Variants in DTNBP1 observed in about 807,000 individuals in gnomAD.
DTNBP1 encodes the protein dysbindin.
DTNBP1 carries 35 observed loss-of-function variants against 42.8 expected under a neutral mutation model. The ratio of observed to expected loss-of-function variants is 0.82; its 90% confidence interval spans 0.63 to 1.09. DTNBP1 has a LOEUF of 1.09. Among genes scored for constraint, DTNBP1 ranks in the 50% least tolerant of loss-of-function variants. DTNBP1 has a pLI of 0.00. For missense variants in DTNBP1, 457 were observed against 424.2 expected (o/e 1.08, Z -0.68); for synonymous variants, 171 against 162.2 (o/e 1.05, Z -0.41).
chr6:15,543,453 T>TG (rs1773695122), intron 7 of DTNBP1, among the ~76,000 whole-genome samples: 1 of 152,206 alleles, frequency 6.6e-6, no homozygotes, highest in African/African-American at 2.4e-5. Flanking sequence ...TGCATAGCCT[T>TG]GTGTAAGCAC....
At position 15,524,655 on chromosome 6, in the gene DTNBP1, T is replaced by C; in HGVS notation, c.682A>G (p.Met228Val). 6 of 1,613,398 alleles carry C rather than the reference T, an allele frequency of 3.7e-6. No individual in the cohort carries two copies. Among genetic ancestry groups the C allele is most frequent in the Non-Finnish European group, 4.2e-6 (5 of 1,180,028 alleles). The change falls in exon 9 of 10, where the codon ATG becomes GTG. Residue 228 changes from methionine (M) to valine (V), a missense_variant. Transcript: ENST00000344537. ...TCCACGTTCACTTCCATGGATGACA[T>C]GCTGCCTATGGGCTCTGCGGATAGA... Reference protein sequence around the residue: ...IAERREPIGSMSSMEVNVDML... With the variant: ...IAERREPIGSVSSMEVNVDML...
intron 7 of DTNBP1, among the ~76,000 whole-genome samples, chr6:15,558,486 T>C (rs1774652930): frequency 1.3e-5 from 2 of 152,060 alleles, no homozygotes; most frequent in South Asian, 2.1e-4. Flanking sequence ...AGACTGGTCT[T>C]GAACTCCTGA....
chr6:15,524,202 A>C (rs1366664903), intron 9 of DTNBP1: 1 of 1,498,852 alleles, frequency 6.7e-7, no homozygotes, highest in South Asian at 1.2e-5. Flanking sequence ...ACCTCCCTGC[A>C]AACGCCAGTC....
intron 3 of DTNBP1, among the ~76,000 whole-genome samples, chr6:15,649,559 T>C (rs1760867213): frequency 6.6e-6 from 1 of 152,160 alleles, no homozygotes; most frequent in Non-Finnish European, 1.5e-5. Flanking sequence ...TTTTGCAAGA[T>C]GAAAAGAGTT....
chr6:15,538,474 TGATC>T lies in DTNBP1; in HGVS notation c.512-5083_512-5080del, dbSNP rs78269570. Reference sequence around the variant, plus strand: ...GAAAACAACGCAGCTCTGCGACCCCTGATCTCAGCCTCATGGAATACTGGGCAGA... The same window carrying T: ...GAAAACAACGCAGCTCTGCGACCCCTTCAGCCTCATGGAATACTGGGCAGA... On this transcript the variant is annotated intron_variant, in intron 7 of 9. Transcript: ENST00000344537. Among the ~76,000 whole-genome samples, 28 of 152,346 alleles carry T rather than the reference TGATC, an allele frequency of 1.8e-4. 2 individuals carry two copies. In the East Asian group the frequency reaches 2.9e-3, roughly 16 times the overall value.
At position 15,531,244 on chromosome 6, in the gene DTNBP1, A is replaced by G. The variant is rs75418687; in HGVS notation, c.667+1996T>C. ...GTCACCCAGTCCATATTGTTTTGTTATGGCAGCTGGGGTAAGACAGTGTCC... is the reference window on the plus strand; with the variant it reads ...GTCACCCAGTCCATATTGTTTTGTTGTGGCAGCTGGGGTAAGACAGTGTCC... On this transcript the variant is annotated intron_variant, in intron 8 of 9. Coordinates refer to ENST00000344537, the MANE Select transcript of DTNBP1 (RefSeq NM_032122.5). Among the ~76,000 whole-genome samples the G allele has an allele frequency of 1.5e-3, 221 of 152,244 alleles. 6 individuals are homozygous for G. In the East Asian group the frequency reaches 0.034, roughly 24 times the overall value.
chr6:15,584,807 A>T (rs1775995126), intron 7 of DTNBP1, among the ~76,000 whole-genome samples: 1 of 149,024 alleles, frequency 6.7e-6, no homozygotes, highest in Non-Finnish European at 1.5e-5. Flanking sequence ...TAAAAGAAAT[A>T]ACAGGGAGTT....
At chr6:15,627,761 C>T (rs1581410364) in intron 4 of DTNBP1, among the ~76,000 whole-genome samples, 1 of 148,664 alleles carries the variant, frequency 6.7e-6, no homozygotes, top group Non-Finnish European at 1.5e-5. Flanking sequence ...CTGTTTTAAG[C>T]AGACCATGTA....
At chr6:15,615,665 A>T (rs1236343056) in intron 5 of DTNBP1, among the ~76,000 whole-genome samples, 1 of 152,244 alleles carries the variant, frequency 6.6e-6, no homozygotes, top group Non-Finnish European at 1.5e-5. Context: ...AAATGGAGAA[A>T]CATTATCTTG....
intron 7 of DTNBP1, among the ~76,000 whole-genome samples, chr6:15,558,101 A>T (rs181004123): frequency 6.6e-6 from 1 of 151,658 alleles, no homozygotes; most frequent in Admixed American, 6.6e-5. Context: ...AGTGTACGTT[A>T]TCAGTAATTA....
intron 7 of DTNBP1, 80 bp from the exon 8 acceptor site, chr6:15,533,475 A>G: frequency 1.2e-6 from 2 of 1,608,504 alleles, no homozygotes; most frequent in Non-Finnish European, 1.7e-6. Context: ...GCTCGCATCC[A>G]CCCTCCAAGT....
intron 6 of DTNBP1, among the ~76,000 whole-genome samples, chr6:15,599,681 AC>A (rs1776650099): frequency 1.3e-5 from 2 of 152,204 alleles, no homozygotes; most frequent in South Asian, 4.1e-4. Flanking sequence ...AAAATCCCCA[AC>A]ATAGCCCTGA....
At chr6:15,599,071 G>A (rs761362575) in intron 6 of DTNBP1, among the ~76,000 whole-genome samples, 10 of 152,114 alleles carry the variant, frequency 6.6e-5, no homozygotes, top group Non-Finnish European at 4.4e-5. Context: ...GAAGGTCTAC[G>A]CAGGTTGGCA....
At chr6:15,601,425 T>A (rs1776723242) in intron 6 of DTNBP1, among the ~76,000 whole-genome samples, 1 of 152,204 alleles carries the variant, frequency 6.6e-6, no homozygotes, top group Admixed American at 6.5e-5. Context: ...AAAGGATACT[T>A]TTTAGCTTTT....
intron 7 of DTNBP1, among the ~76,000 whole-genome samples, chr6:15,538,952 G>C (rs571676508): frequency 6.6e-6 from 1 of 152,158 alleles, no homozygotes; most frequent in African/African-American, 2.4e-5. Flanking sequence ...TCTTACCATG[G>C]ACAATGGTGA....
chr6:15,626,082 C>A (rs965201988), intron 5 of DTNBP1, among the ~76,000 whole-genome samples: 1 of 152,200 alleles, frequency 6.6e-6, no homozygotes, highest in Non-Finnish European at 1.5e-5. Flanking sequence ...GAGCTCCCAT[C>A]CCACTGCCTC....
At chr6:15,619,934 T>A (rs79299416) in intron 5 of DTNBP1, among the ~76,000 whole-genome samples, 2 of 151,670 alleles carry the variant, frequency 1.3e-5, no homozygotes, top group African/African-American at 4.8e-5. Context: ...CTTTCTAATA[T>A]CCTAAATTTT....
intron 8 of DTNBP1, among the ~76,000 whole-genome samples, chr6:15,526,580 G>A (rs903349147): frequency 3.3e-5 from 5 of 152,170 alleles, no homozygotes; most frequent in Admixed American, 2.0e-4. Flanking sequence ...GCTCTGCCTC[G>A]GACTTGGCCG....
intron 8 of DTNBP1, among the ~76,000 whole-genome samples, chr6:15,528,612 A>G (rs1772584799): frequency 1.3e-5 from 2 of 152,178 alleles, no homozygotes. Context: ...ATTAGCAAAA[A>G]TTTAAAAATC....
Sources: allele counts gnomAD v4.1 joint callset (sites outside exome capture counted in the v4.1 genomes callset), GRCh38; gene constraint gnomAD v4.1.1; transcripts MANE v1.5; gene names NCBI Gene and HGNC (gene_info 2026-07-23, HGNC 2026-07-21).